The following KLHL13 variants were observed in gnomAD, a reference collection of about 807,000 sequenced individuals.
KLHL13 encodes the protein kelch-like protein 13.
In KLHL13, 10 loss-of-function variants were observed where a neutral mutation model predicts 37.1. The observed-to-expected ratio is 0.27, with a 90% confidence interval of 0.17 to 0.46. The LOEUF is 0.46. Among genes scored for constraint, KLHL13 ranks in the 20% least tolerant of loss-of-function variants. The pLI, the probability that KLHL13 is intolerant of heterozygous loss-of-function variation, is 1.00. For synonymous variants in KLHL13, 163 were observed against 181.2 expected (o/e 0.90, Z 0.81); for missense variants, 360 against 509.3 (o/e 0.71, Z 2.82).
At chrX:117,936,359 T>C (rs1364908728) in intron 2 of KLHL13, among the ~76,000 whole-genome samples, 1 of 111,774 alleles carries the variant, frequency 8.9e-6, no homozygotes, top group Non-Finnish European at 1.9e-5. Context: ...AGGAATTTTC[T>C]TTGACAGCCT....
Position 117,936,034 on chromosome X carries a change from A to T in KLHL13, c.240+9400T>A, listed in dbSNP as rs563233425. On this transcript the variant is annotated intron_variant, in intron 2 of 6. Coordinates refer to ENST00000262820, the Ensembl canonical transcript of KLHL13. The stretch of plus-strand genomic sequence containing the variant: ...ATAAAGCTATTATTTTAAAAACTGA[A>T]GGTGCTAGGAAAGTTATCATTCAGT... 2.7e-5 allele frequency among the ~76,000 whole-genome samples: 3 copies of T among 111,645 alleles called. No homozygotes were observed. The South Asian group carries it at 1.1e-3, about 42-fold the overall frequency.
chrX:118,032,384 C>A (rs2054364530), intron 1 of KLHL13, among the ~76,000 whole-genome samples: 1 of 111,891 alleles, frequency 8.9e-6, no homozygotes, highest in Non-Finnish European at 1.9e-5. Flanking sequence ...CAGCACGCAG[C>A]TGGAGATCTG....
intron 1 of KLHL13, among the ~76,000 whole-genome samples, chrX:118,111,038 G>A (rs912603593): frequency 1.8e-5 from 2 of 112,069 alleles, no homozygotes; most frequent in African/African-American, 6.5e-5. Context: ...TAACTATTAT[G>A]AGCAAGCTAT....
At chrX:118,110,327 T>C (rs1343606777) in intron 1 of KLHL13, among the ~76,000 whole-genome samples, 1 of 109,850 alleles carries the variant, frequency 9.1e-6, no homozygotes, top group Admixed American at 9.7e-5. Flanking sequence ...TCAGGAATCA[T>C]GTCTCATTTG....
intron 1 of KLHL13, among the ~76,000 whole-genome samples, chrX:118,098,950 A>T (rs1343928517): frequency 1.1e-4 from 2 of 18,459 alleles, no homozygotes; most frequent in African/African-American, 2.2e-4. Flanking sequence ...GGGGTGGGGG[A>T]AGGGGGGAGG....
chrX:117,988,102 G>T (rs976755272), intron 1 of KLHL13, among the ~76,000 whole-genome samples: 1 of 112,018 alleles, frequency 8.9e-6, no homozygotes, highest in African/African-American at 3.2e-5. Context: ...CAAATTGACA[G>T]ATTATTTCCT....
rs980520572 is a variant in KLHL13 at position 117,957,756 on chromosome X, A to C, written c.99-12181T>G. 7.2e-5 allele frequency among the ~76,000 whole-genome samples: 8 copies of C among 111,379 alleles called. No homozygotes were observed. In the East Asian group the frequency reaches 2.0e-3, roughly 27 times the overall value. On this transcript the variant is annotated intron_variant, in intron 1 of 6. Coordinates refer to ENST00000262820, the Ensembl canonical transcript of KLHL13. ...GTCAGGTCTTCTTTTTCTCCTAGTC[A>C]GTGATTTCTTTTATCAAACTATACA...
chrX:118,036,339 AACTAT>A (rs2054440523), intron 1 of KLHL13, among the ~76,000 whole-genome samples: 1 of 112,364 alleles, frequency 8.9e-6, no homozygotes, highest in Admixed American at 9.4e-5. Flanking sequence ...CCTGACTTCA[AACTAT>A]ACTACAAGGC....
At chrX:117,902,769 A>G (rs1930182241) in intron 5 of KLHL13, among the ~76,000 whole-genome samples, 1 of 111,367 alleles carries the variant, frequency 9.0e-6, no homozygotes, top group Admixed American at 9.6e-5. Context: ...AAGAGAACTC[A>G]TCAAAAGCAT....
intron 2 of KLHL13, among the ~76,000 whole-genome samples, chrX:117,929,791 A>C (rs899044870): frequency 1.9e-5 from 2 of 105,434 alleles, no homozygotes; most frequent in African/African-American, 3.5e-5. Context: ...AAAAAAAAAA[A>C]AAAAAAAAAA....
intron 1 of KLHL13, among the ~76,000 whole-genome samples, chrX:117,972,077 C>A (rs754304473): frequency 2.9e-4 from 32 of 111,674 alleles, no homozygotes; most frequent in South Asian, 7.4e-4. Context: ...CACTTCAGTA[C>A]GTATTTACTT....
At chrX:117,944,797 C>T (rs1172057247) in intron 2 of KLHL13, among the ~76,000 whole-genome samples, 3 of 111,525 alleles carry the variant, frequency 2.7e-5, no homozygotes, top group East Asian at 2.8e-4. Flanking sequence ...TTCTAATCCC[C>T]GTGCTAAATA....
intron 1 of KLHL13, among the ~76,000 whole-genome samples, chrX:118,086,816 T>C (rs1001139074): frequency 1.3e-4 from 14 of 111,431 alleles, no homozygotes; most frequent in African/African-American, 4.6e-4. Context: ...TAGATGCCTT[T>C]ATAATTTAAA....
intron 1 of KLHL13, among the ~76,000 whole-genome samples, chrX:118,015,924 G>A (rs906761024): frequency 3.6e-5 from 4 of 110,785 alleles, no homozygotes; most frequent in Non-Finnish European, 7.6e-5. Flanking sequence ...TTATTGCCAC[G>A]CTTACTTCAC....
At chrX:118,029,010 G>A (rs933516386) in intron 1 of KLHL13, among the ~76,000 whole-genome samples, 42 of 111,132 alleles carry the variant, frequency 3.8e-4, no homozygotes, top group Non-Finnish European at 5.8e-4. Context: ...ACTTAGTAGC[G>A]GTCTCAGTTA....
intron 1 of KLHL13, among the ~76,000 whole-genome samples, chrX:118,080,052 T>C (rs1331568428): frequency 9.0e-6 from 1 of 111,692 alleles, no homozygotes; most frequent in Non-Finnish European, 1.9e-5. Flanking sequence ...ATTCAATAAA[T>C]GGTGCTGGGA....
intron 5 of KLHL13, among the ~76,000 whole-genome samples, chrX:117,905,595 A>T (rs969633590): frequency 7.1e-5 from 8 of 111,922 alleles, no homozygotes; most frequent in Admixed American, 5.7e-4. Context: ...CCATGGAAAG[A>T]TTTTAAAAGG....
intron 1 of KLHL13, among the ~76,000 whole-genome samples, chrX:118,031,338 T>C (rs2054337131): frequency 9.4e-6 from 1 of 106,117 alleles, no homozygotes; most frequent in African/African-American, 3.4e-5. Context: ...ACTCTCTTTT[T>C]CATGAAGTTA....
chrX:118,022,030 T>C (rs926943365), intron 1 of KLHL13, among the ~76,000 whole-genome samples: 2 of 112,203 alleles, frequency 1.8e-5, no homozygotes, highest in East Asian at 5.6e-4. Context: ...TGCATAAATG[T>C]CTTCTTTTGA....
Sources: allele counts gnomAD v4.1 joint callset (sites outside exome capture counted in the v4.1 genomes callset), GRCh38; gene constraint gnomAD v4.1.1; transcripts MANE v1.5; gene names NCBI Gene and HGNC (gene_info 2026-07-23, HGNC 2026-07-21).